NBAS: variants seen among roughly 807,000 people sequenced by gnomAD.
NBAS encodes the protein NBAS subunit of NRZ tethering complex.
Under a neutral mutation model 302.5 loss-of-function variants are expected in NBAS, and 219 were observed. The ratio of observed to expected loss-of-function variants is 0.72; its 90% CI spans 0.65 to 0.81. NBAS has a LOEUF of 0.81. NBAS is among the 30% of genes least tolerant of loss of function. The pLI is 0.00. For synonymous variants in NBAS, 1,118 were observed against 1,021.6 expected (o/e 1.09, Z -1.80); for missense variants, 2,932 against 2,841.6 (o/e 1.03, Z -0.72).
intron 48 of NBAS, among the ~76,000 whole-genome samples, chr2:15,215,627 C>A (rs1034886484): frequency 2.0e-5 from 3 of 152,080 alleles, no homozygotes; most frequent in Non-Finnish European, 2.9e-5. Context: ...ATGAAAAAAA[C>A]AAGAGCTCAT....
intron 38 of NBAS, among the ~76,000 whole-genome samples, chr2:15,318,448 T>A (rs1196890283): frequency 6.6e-6 from 1 of 152,126 alleles, no homozygotes; most frequent in East Asian, 1.9e-4. Flanking sequence ...AGACACAGAC[T>A]GGCAAATTGG....
chr2:15,242,791 TGCA>T (rs1194549981), intron 44 of NBAS, among the ~76,000 whole-genome samples: 1 of 152,122 alleles, frequency 6.6e-6, no homozygotes, highest in Non-Finnish European at 1.5e-5. Flanking sequence ...AACTGTTCCC[TGCA>T]GCAATTAGTA....
At chr2:15,199,814 G>T (rs1292990102) in intron 48 of NBAS, among the ~76,000 whole-genome samples, 1 of 151,644 alleles carries the variant, frequency 6.6e-6, no homozygotes, top group African/African-American at 2.4e-5. Flanking sequence ...GGCAAAGATT[G>T]GTGCATAGTA....
chr2:15,039,263 G>A, the NBAS span, among the ~76,000 whole-genome samples: 2 of 152,160 alleles, frequency 1.3e-5, no homozygotes, highest in Non-Finnish European at 2.9e-5. Context: ...CGTTGCTGCG[G>A]TTGCACACTG....
intron 49 of NBAS, among the ~76,000 whole-genome samples, chr2:15,188,286 C>T (rs1395961185): frequency 6.6e-6 from 1 of 152,202 alleles, no homozygotes; most frequent in Non-Finnish European, 1.5e-5. Flanking sequence ...GTGGATCAAA[C>T]AAATGTCTTA....
At chr2:15,170,166 T>C (rs1427084395) in intron 51 of NBAS, among the ~76,000 whole-genome samples, 2 of 152,194 alleles carry the variant, frequency 1.3e-5, no homozygotes, top group African/African-American at 4.8e-5. Context: ...TGATGGATTC[T>C]TCCAGCCTGA....
intron 38 of NBAS, among the ~76,000 whole-genome samples, chr2:15,310,844 C>T (rs879497823): frequency 1.3e-5 from 2 of 152,226 alleles, no homozygotes; most frequent in African/African-American, 2.4e-5. Flanking sequence ...TCGTGACAAT[C>T]GTTTCCATGT....
At position 15,475,787 on chromosome 2, in the gene NBAS, G is replaced by A. The variant is rs1680165217; in HGVS notation, c.1241C>T (p.Ser414Phe). 1.2e-6 allele frequency: 2 copies of A among 1,614,054 alleles called. No homozygotes were observed. The highest frequency in any genetic ancestry group is 1.7e-6 in the Non-Finnish European group (2 of 1,179,968). ...ARCSGALTVS[S>F]VKTLKNLLGK... Reference sequence around the variant, plus strand: ...CAGTAAATTCTTCAAAGTTTTCACAGATGAAACAGTTAAAGCACCAGAGCA... The same window carrying A: ...CAGTAAATTCTTCAAAGTTTTCACAAATGAAACAGTTAAAGCACCAGAGCA... The change falls in exon 14 of 52, where the codon TCT becomes TTT. Residue 414 changes from serine to phenylalanine, a missense_variant. Transcript: ENST00000281513.
At chr2:14,872,042 G>T in the NBAS span, among the ~76,000 whole-genome samples, 4 of 151,966 alleles carry the variant, frequency 2.6e-5, no homozygotes, top group African/African-American at 9.7e-5. Flanking sequence ...TATAAAAACA[G>T]ACACAGATTG....
At chr2:15,555,804 G>A (rs1664618586) in intron 3 of NBAS, among the ~76,000 whole-genome samples, 1 of 152,042 alleles carries the variant, frequency 6.6e-6, no homozygotes, top group African/African-American at 2.4e-5. Context: ...CAGAGGACAG[G>A]GCTTGTAGCA....
At chr2:15,121,582 C>A in the NBAS span, among the ~76,000 whole-genome samples, 1 of 152,192 alleles carries the variant, frequency 6.6e-6, no homozygotes, top group Non-Finnish European at 1.5e-5. Context: ...TCTTTATTTT[C>A]ATTCATCACT....
At chr2:14,865,824 A>G in the NBAS span, among the ~76,000 whole-genome samples, 726 of 152,212 alleles carry the variant, frequency 4.8e-3, 1 homozygote, top group Non-Finnish European at 7.7e-3. Flanking sequence ...TATTATTATT[A>G]TTCCCATGCT....
At chr2:14,982,511 C>T in the NBAS span, among the ~76,000 whole-genome samples, 35 of 152,144 alleles carry the variant, frequency 2.3e-4, no homozygotes, top group African/African-American at 8.2e-4. Context: ...AGGTTAAGAG[C>T]GGTGCAGCAG....
the NBAS span, among the ~76,000 whole-genome samples, chr2:15,120,791 C>T: frequency 6.6e-6 from 1 of 152,176 alleles, no homozygotes; most frequent in East Asian, 1.9e-4. Flanking sequence ...GATGTGTGGG[C>T]GAGAACACAG....
At chr2:15,483,868 A>T (rs1680523380) in intron 12 of NBAS, among the ~76,000 whole-genome samples, 1 of 152,220 alleles carries the variant, frequency 6.6e-6, no homozygotes, top group Non-Finnish European at 1.5e-5. Context: ...TTCTCAGACA[A>T]CATTTAAACT....
intron 50 of NBAS, among the ~76,000 whole-genome samples, chr2:15,183,941 A>G (rs1572410246): frequency 6.6e-6 from 1 of 152,208 alleles, no homozygotes. Flanking sequence ...TTAATGTATT[A>G]CTCTATTTGT....
At position 15,370,609 on chromosome 2, in the gene NBAS, C is replaced by T. The variant is rs111906531; in HGVS notation, c.3704-3916G>A. On this transcript the variant is annotated intron_variant, in intron 31 of 51. Coordinates refer to ENST00000281513, the MANE Select transcript of NBAS (RefSeq NM_015909.4). ...ACCATGCTGCCTAAGGCCATGAGAGCCCACCCTTTGCATCAGTGTGCCCTG... is the reference window on the plus strand; with the variant it reads ...ACCATGCTGCCTAAGGCCATGAGAGTCCACCCTTTGCATCAGTGTGCCCTG... Among the ~76,000 whole-genome samples the T allele has an allele frequency of 7.1e-3, 1,078 of 152,314 alleles. 10 individuals are homozygous for T. The highest frequency in any genetic ancestry group is 0.022 in the African/African-American group (918 of 41,578).
the NBAS span, among the ~76,000 whole-genome samples, chr2:15,066,441 A>G: frequency 3.3e-5 from 5 of 152,328 alleles, no homozygotes; most frequent in East Asian, 9.6e-4. Flanking sequence ...ATGGGAGAAG[A>G]TATTCACAAA....
the NBAS span, among the ~76,000 whole-genome samples, chr2:14,821,724 C>A: frequency 6.6e-6 from 1 of 151,986 alleles, no homozygotes; most frequent in Non-Finnish European, 1.5e-5. Flanking sequence ...TAGATACATC[C>A]AAAATGGGCT....
Sources: allele counts gnomAD v4.1 joint callset (sites outside exome capture counted in the v4.1 genomes callset), GRCh38; gene constraint gnomAD v4.1.1; transcripts MANE v1.5; gene names NCBI Gene and HGNC (gene_info 2026-07-23, HGNC 2026-07-21).